KLHL22: variants seen among roughly 807,000 people sequenced by gnomAD.
KLHL22 encodes kelch-like protein 22.
In KLHL22, 18 loss-of-function variants were observed where a neutral mutation model predicts 60.7. That is an observed-to-expected ratio of 0.30 (90% CI 0.20 to 0.44). The LOEUF is 0.44. Among genes scored for constraint, KLHL22 ranks in the 20% least tolerant of loss-of-function variants. The probability of loss-of-function intolerance (pLI) is 1.00; values close to 1 mark genes in which losing one functional copy is unlikely to be tolerated. For missense variants in KLHL22, 596 were observed against 852.3 expected (o/e 0.70, Z 3.74); for synonymous variants, 355 against 354.5 (o/e 1.00, Z -0.01).
intron 5 of KLHL22, among the ~76,000 whole-genome samples, chr22:20,449,631 C>A (rs1404975228): frequency 6.6e-6 from 1 of 152,060 alleles, no homozygotes; most frequent in African/African-American, 2.4e-5. Context: ...TGGTCTCGAA[C>A]TCCTGACCTC....
At chr22:20,450,594 GA>G (rs762701285) in intron 5 of KLHL22, 4 of 1,607,798 alleles carry the variant, frequency 2.5e-6, no homozygotes, top group Non-Finnish European at 3.4e-6. Context: ...TTTTTAGCCA[GA>G]AGAATTTTCC....
At chr22:20,444,530 C>G (rs1472084585) in intron 6 of KLHL22, among the ~76,000 whole-genome samples, 1 of 152,114 alleles carries the variant, frequency 6.6e-6, no homozygotes, top group African/African-American at 2.4e-5. Flanking sequence ...TGAGGTGCCT[C>G]GTAACACAGC....
chr22:20,450,949 G>A, intron 5 of KLHL22: 4 of 1,609,748 alleles, frequency 2.5e-6, no homozygotes, highest in Non-Finnish European at 3.4e-6. Context: ...GGCTCGCCTA[G>A]GAGCCAATGA....
Position 20,446,598 on chromosome 22 carries a change from C to T in KLHL22, c.1384G>A (p.Glu462Lys). 6.2e-7 allele frequency: 1 copy of T among 1,613,962 alleles called. No individual in the cohort carries two copies. Among genetic ancestry groups the T allele is most frequent in the Non-Finnish European group, 8.5e-7 (1 of 1,180,038 alleles). Residue 462 changes from glutamate (E) to lysine (K), a missense_variant, in exon 6 of 7, where the codon GAG becomes AAG. By Grantham distance (56) the Glu-to-Lys change is moderately conservative (BLOSUM62 1). Coordinates refer to ENST00000328879, the MANE Select transcript of KLHL22 (RefSeq NM_032775.4). ...CTGCCTGGATCGTAGCAGTGTGTCT[C>T]TTTCAGGTAATCCTCCCCTCTGCGG... ...CGRRGEDYLK[E>K]THCYDPGSNT...
intron 2 of KLHL22, chr22:20,488,696 GAAA>G (rs2053629602): frequency 6.2e-6 from 3 of 482,730 alleles, no homozygotes; most frequent in Non-Finnish European, 3.8e-6. Context: ...GGGGAGGAGA[GAAA>G]GGAGGAAAGA....
intron 5 of KLHL22, among the ~76,000 whole-genome samples, chr22:20,447,428 G>A (rs1217348182): frequency 6.6e-6 from 1 of 152,220 alleles, no homozygotes; most frequent in Non-Finnish European, 1.5e-5. Context: ...AGGCCATGCG[G>A]GTGGCAAAAA....
At chr22:20,454,722 T>C (rs996031899) in intron 5 of KLHL22, among the ~76,000 whole-genome samples, 9 of 152,226 alleles carry the variant, frequency 5.9e-5, no homozygotes, top group Non-Finnish European at 1.3e-4. Context: ...TTAATATATG[T>C]ATTATTAATT....
At chr22:20,476,664 C>T (rs527403142) in intron 2 of KLHL22, among the ~76,000 whole-genome samples, 6 of 150,412 alleles carry the variant, frequency 4.0e-5, no homozygotes, top group South Asian at 2.1e-4. Context: ...CCGCCCGCCT[C>T]GGCCTCCCAA....
intron 6 of KLHL22, among the ~76,000 whole-genome samples, chr22:20,445,190 T>A (rs1285491724): frequency 6.6e-6 from 1 of 150,892 alleles, no homozygotes; most frequent in Non-Finnish European, 1.5e-5. Context: ...TTATGAATGC[T>A]TTTCCTCACC....
At chr22:20,488,656 TTA>T in intron 2 of KLHL22, 56 of 245,158 alleles carry the variant, frequency 2.3e-4, no homozygotes, top group Admixed American at 4.0e-4. Flanking sequence ...ACAGCAATAA[TTA>T]CTGACGGAGG....
chr22:20,492,013 G>C (rs1219985856), intron 1 of KLHL22: 1 of 152,178 alleles, frequency 6.6e-6, no homozygotes. Context: ...CTCTTGCCTG[G>C]AAACTCTGCT....
chr22:20,453,810 T>G (rs1484449920), intron 5 of KLHL22, among the ~76,000 whole-genome samples: 1 of 152,102 alleles, frequency 6.6e-6, no homozygotes, highest in Middle Eastern at 3.2e-3. Flanking sequence ...TCTCGGCTCA[T>G]TGCAACCTCT....
intron 1 of KLHL22, chr22:20,491,219 T>C (rs372797503): frequency 6.6e-6 from 1 of 152,238 alleles, no homozygotes. Context: ...TTTAGGAGCC[T>C]CCATGTGTTC....
At chr22:20,489,309 T>C in intron 1 of KLHL22, 65 bp from the exon 2 acceptor site, 2 of 1,188,190 alleles carry the variant, frequency 1.7e-6, no homozygotes, top group Non-Finnish European at 1.2e-6. Flanking sequence ...ACACACAGAC[T>C]GGCCAGCTCT....
chr22:20,470,613 C>T (rs1431901947), intron 3 of KLHL22, among the ~76,000 whole-genome samples: 2 of 152,114 alleles, frequency 1.3e-5, no homozygotes, highest in African/African-American at 2.4e-5. Flanking sequence ...CGTGCCACTG[C>T]ACTCCAGCCT....
intron 6 of KLHL22, among the ~76,000 whole-genome samples, chr22:20,444,481 C>A (rs28378166): frequency 6.6e-6 from 1 of 152,100 alleles, no homozygotes; most frequent in Non-Finnish European, 1.5e-5. Flanking sequence ...AAAGCCAGAT[C>A]GCCAAGACCC....
At chr22:20,460,672 C>A (rs1391102839) in intron 4 of KLHL22, among the ~76,000 whole-genome samples, 1 of 128,606 alleles carries the variant, frequency 7.8e-6, no homozygotes, top group Non-Finnish European at 1.6e-5. Flanking sequence ...TACCATATGT[C>A]AATAATTTAG....
chr22:20,458,186 A>G (rs1407297106), intron 4 of KLHL22, among the ~76,000 whole-genome samples, 186 bp from the exon 5 acceptor site: 1 of 151,918 alleles, frequency 6.6e-6, no homozygotes, highest in Non-Finnish European at 1.5e-5. Flanking sequence ...ACCTGAGCAC[A>G]GGTGCTCCCC....
chr22:20,486,510 C>A (rs1444252714), intron 2 of KLHL22, among the ~76,000 whole-genome samples: 1 of 152,144 alleles, frequency 6.6e-6, no homozygotes, highest in East Asian at 1.9e-4. Flanking sequence ...TATGGGCCAG[C>A]CCACCCCTAA....
Sources: gnomAD v4.1 joint callset for allele counts (sites outside exome capture counted in the v4.1 genomes callset) on GRCh38, gnomAD v4.1.1 for gene constraint, MANE v1.5 for transcripts, NCBI Gene and HGNC (gene_info 2026-07-23, HGNC 2026-07-21) for gene names.